Variants in LARGE1 observed in about 807,000 individuals in gnomAD.
LARGE1 encodes LARGE xylosyl- and glucuronyltransferase 1.
A neutral mutation model predicts 87.6 loss-of-function variants in LARGE1; 43 were observed. The observed-to-expected ratio is 0.49, with a 90% CI of 0.38 to 0.63. The LOEUF is 0.63. Among genes scored for constraint, LARGE1 ranks in the 30% least tolerant of loss-of-function variants. The pLI is 0.00. For synonymous variants in LARGE1, 434 were observed against 394.6 expected (o/e 1.10, Z -1.18); for missense variants, 802 against 1,000.2 (o/e 0.80, Z 2.67).
At chr22:33,654,821 G>T (rs1479218058) in intron 2 of LARGE1, among the ~76,000 whole-genome samples, 1 of 152,238 alleles carries the variant, frequency 6.6e-6, no homozygotes, top group Admixed American at 6.5e-5. Context: ...GAGAGGCATG[G>T]AAGCACAAGG....
intron 13 of LARGE1, among the ~76,000 whole-genome samples, chr22:33,280,315 CAAAAA>C (rs58680121): frequency 1.5e-5 from 1 of 67,436 alleles, no homozygotes; most frequent in Non-Finnish European, 3.4e-5. Flanking sequence ...GGTAACTCCT[CAAAAA>C]AAAAAAAAAA....
At chr22:33,825,628 G>A (rs985232485) in intron 1 of LARGE1, among the ~76,000 whole-genome samples, 1 of 152,170 alleles carries the variant, frequency 6.6e-6, no homozygotes, top group Non-Finnish European at 1.5e-5. Flanking sequence ...AAGGACAACA[G>A]CATACGGGTA....
intron 6 of LARGE1, among the ~76,000 whole-genome samples, chr22:33,563,581 C>T (rs377337080): frequency 6.6e-5 from 10 of 152,234 alleles, no homozygotes; most frequent in East Asian, 1.9e-4. Flanking sequence ...AAAAGAGCAG[C>T]GGATGGAAGC....
the LARGE1 span, among the ~76,000 whole-genome samples, chr22:33,088,258 T>G: frequency 2.6e-5 from 4 of 152,102 alleles, no homozygotes; most frequent in Non-Finnish European, 4.4e-5. Context: ...AAACCTTCTA[T>G]GGTTGACGGC....
intron 11 of LARGE1, among the ~76,000 whole-genome samples, chr22:33,175,292 TGGAAG>T (rs964048940): frequency 9.9e-5 from 15 of 151,302 alleles, no homozygotes; most frequent in Admixed American, 6.6e-4. Context: ...CTGGCCAGGA[TGGAAG>T]GGAAGGGAAG....
At chr22:33,074,325 G>A in the LARGE1 span, among the ~76,000 whole-genome samples, 5 of 152,038 alleles carry the variant, frequency 3.3e-5, no homozygotes, top group African/African-American at 4.8e-5. Flanking sequence ...AATCATGACC[G>A]CAATGTGAGT....
At chr22:33,840,642 C>G (rs184576420) in intron 1 of LARGE1, among the ~76,000 whole-genome samples, 1 of 151,926 alleles carries the variant, frequency 6.6e-6, no homozygotes, top group Admixed American at 6.6e-5. Flanking sequence ...CAGACAGTCC[C>G]CGATTTAGGA....
At chr22:33,461,797 T>G (rs2068394377) in intron 6 of LARGE1, among the ~76,000 whole-genome samples, 1 of 152,008 alleles carries the variant, frequency 6.6e-6, no homozygotes, top group Non-Finnish European at 1.5e-5. Flanking sequence ...CCAATCTCCA[T>G]GTTGTAGGGA....
chr22:33,489,401 A>C (rs1016964285), intron 6 of LARGE1, among the ~76,000 whole-genome samples: 2 of 152,178 alleles, frequency 1.3e-5, no homozygotes, highest in African/African-American at 4.8e-5. Context: ...CACTGGGGTG[A>C]GGACAATGAT....
At chr22:33,447,378 A>G (rs574504169) in intron 6 of LARGE1, among the ~76,000 whole-genome samples, 1 of 152,314 alleles carries the variant, frequency 6.6e-6, no homozygotes, top group South Asian at 2.1e-4. Flanking sequence ...GGTCAGCAAC[A>G]TCTTCTGAGG....
rs916506860 is a variant in LARGE1 at position 33,568,754 on chromosome 22, G to A, written c.616-3735C>T. ...GCACTCCAGCCTGGGCAACAAAAGC[G>A]AAACTCAGTCTCAAAAAAAAAAAAA... On this transcript the variant is annotated intron_variant, in intron 5 of 14. Transcript: ENST00000397394. Among the ~76,000 whole-genome samples the A allele has an allele frequency of 3.3e-3, 249 of 75,050 alleles. 1 individual carries two copies. Among genetic ancestry groups the A allele is most frequent in the African/African-American group, 9.6e-3 (236 of 24,626 alleles). The allele number at this position is 75,050 out of a possible 152,430, so 49.2% of individuals were successfully genotyped here.
intron 1 of LARGE1, among the ~76,000 whole-genome samples, chr22:33,817,243 A>G (rs2086681592): frequency 6.6e-6 from 1 of 152,190 alleles, no homozygotes; most frequent in African/African-American, 2.4e-5. Flanking sequence ...CTTTGAAGGC[A>G]CACATTTTCA....
chr22:33,172,490 G>T (rs776784245), intron 11 of LARGE1, among the ~76,000 whole-genome samples: 1 of 152,020 alleles, frequency 6.6e-6, no homozygotes, highest in Non-Finnish European at 1.5e-5. Flanking sequence ...TTGTGAAGAA[G>T]GTACTTGCTT....
chr22:33,624,236 G>C (rs1032836851), intron 4 of LARGE1, among the ~76,000 whole-genome samples: 4 of 152,028 alleles, frequency 2.6e-5, no homozygotes. Flanking sequence ...CATGTAATAC[G>C]TGTCAGCTAC....
At chr22:33,789,234 G>A (rs1295949171) in intron 1 of LARGE1, among the ~76,000 whole-genome samples, 3 of 152,258 alleles carry the variant, frequency 2.0e-5, no homozygotes, top group African/African-American at 7.2e-5. Context: ...TTGCTTCGGA[G>A]GGTGCAAGGC....
At chr22:33,538,329 C>G (rs2077096602) in intron 6 of LARGE1, among the ~76,000 whole-genome samples, 1 of 152,214 alleles carries the variant, frequency 6.6e-6, no homozygotes, top group Non-Finnish European at 1.5e-5. Flanking sequence ...TTTTCTTCCC[C>G]TTCTCCATTT....
chr22:33,736,969 A>G (rs239327), intron 2 of LARGE1, among the ~76,000 whole-genome samples: 89,730 of 152,020 alleles, frequency 0.59, 27,863 homozygotes, highest in African/African-American at 0.78. Context: ...AATGTCAACA[A>G]ATGACTCTGG....
chr22:33,650,544 G>C lies in LARGE1; in HGVS notation c.231C>G (p.Arg77=), dbSNP rs1409376897. Residue 77 remains arginine, a synonymous_variant, in exon 3 of 15, where the codon CGC becomes CGG. Coordinates refer to ENST00000397394, the MANE Select transcript of LARGE1 (RefSeq NM_133642.5). ...CCAGGCTGAGCTGCCTGCGGAGGGCGCGGTTCTCCTCCTCCACCTCGCGCA... is the reference window on the plus strand; with the variant it reads ...CCAGGCTGAGCTGCCTGCGGAGGGCCCGGTTCTCCTCCTCCACCTCGCGCA... The part of the protein sequence containing the change: ...VRMREVEEEN[R]ALRRQLSLAQ... 6.2e-7 allele frequency: 1 copy of C among 1,610,208 alleles called. No individual in the cohort carries two copies. The highest frequency in any genetic ancestry group is 8.5e-7 in the Non-Finnish European group (1 of 1,179,954).
At chr22:33,643,397 G>C (rs1203370805) in intron 3 of LARGE1, among the ~76,000 whole-genome samples, 5 of 152,202 alleles carry the variant, frequency 3.3e-5, no homozygotes, top group Non-Finnish European at 5.9e-5. Flanking sequence ...AGCTAAAGCA[G>C]TGTTTATAGG....
Sources: allele counts gnomAD v4.1 joint callset (sites outside exome capture counted in the v4.1 genomes callset), GRCh38; gene constraint gnomAD v4.1.1; transcripts MANE v1.5; gene names NCBI Gene and HGNC (gene_info 2026-07-23, HGNC 2026-07-21).